The following MB21D2 variants were observed in gnomAD, a reference collection of about 807,000 sequenced individuals.
MB21D2 encodes the protein nucleotidyltransferase MB21D2.
In MB21D2, 9 loss-of-function variants were observed where a neutral mutation model predicts 33.3. That is an observed-to-expected ratio of 0.27 (90% CI 0.16 to 0.47). The LOEUF (loss-of-function observed/expected upper bound fraction) is 0.47. MB21D2 is among the 20% of genes least tolerant of loss of function. The probability of loss-of-function intolerance (pLI) is 0.99; values close to 1 mark genes in which losing one functional copy is unlikely to be tolerated. For synonymous variants in MB21D2, 241 were observed against 236.3 expected, an observed-to-expected ratio of 1.02 and a Z score of -0.18; for missense variants, 540 against 624.6, an observed-to-expected ratio of 0.86 and a Z score of 1.44.
intron 1 of MB21D2, among the ~76,000 whole-genome samples, chr3:192,873,773 G>GCTCA (rs150925941): frequency 0.016 from 2,395 of 152,262 alleles, 60 homozygotes; most frequent in African/African-American, 0.054. Flanking sequence ...GGAAGTCTCA[G>GCTCA]CTCACTGTAA....
intron 1 of MB21D2, among the ~76,000 whole-genome samples, chr3:192,903,211 G>A (rs542015430): frequency 8.8e-4 from 134 of 152,310 alleles, no homozygotes; most frequent in Non-Finnish European, 9.1e-4. Flanking sequence ...GAAGCCAACT[G>A]TCTCAGGTAC....
At chr3:192,812,273 C>T (rs945616270) in intron 1 of MB21D2, among the ~76,000 whole-genome samples, 1 of 152,122 alleles carries the variant, frequency 6.6e-6, no homozygotes, top group Non-Finnish European at 1.5e-5. Flanking sequence ...GTCTCAAACT[C>T]CTGACCTCCC....
intron 1 of MB21D2, among the ~76,000 whole-genome samples, chr3:192,897,935 G>T (rs1714012823): frequency 6.6e-6 from 1 of 151,356 alleles, no homozygotes; most frequent in African/African-American, 2.4e-5. Flanking sequence ...CTCCAGCCTG[G>T]GTGACAGAGC....
chr3:192,838,539 C>G (rs78352498), intron 1 of MB21D2, among the ~76,000 whole-genome samples: 2,701 of 151,804 alleles, frequency 0.018, 76 homozygotes, highest in South Asian at 0.13. Context: ...CACCATTCTC[C>G]TGCCTCGGCC....
At chr3:192,873,259 AGT>A (rs1713351037) in intron 1 of MB21D2, among the ~76,000 whole-genome samples, 2 of 152,166 alleles carry the variant, frequency 1.3e-5, no homozygotes, top group Admixed American at 6.5e-5. Context: ...ACAATACCCA[AGT>A]GTGTCACTTC....
At chr3:192,904,132 G>C (rs77225906) in intron 1 of MB21D2, among the ~76,000 whole-genome samples, 9,744 of 152,214 alleles carry the variant, frequency 0.064, 333 homozygotes, top group African/African-American at 0.076. Context: ...CTGGAACACG[G>C]TTCGCAATAT....
chr3:192,849,316 T>TGGGG lies in MB21D2; in HGVS notation c.212-49670_212-49667dup, dbSNP rs66792694. Reference sequence around the variant, plus strand: ...TGCAAGTTTTTCACGTCTCTTTTTTTGGGGGGGGGGCGGGGGGTGGGGGTG... The same window carrying TGGGG: ...TGCAAGTTTTTCACGTCTCTTTTTTTGGGGGGGGGGGGGGCGGGGGGTGGGGGTG... On this transcript the variant is annotated intron_variant, in intron 1 of 1. Coordinates refer to ENST00000392452, the MANE Select transcript of MB21D2 (RefSeq NM_178496.4). 2.7e-4 allele frequency among the ~76,000 whole-genome samples: 25 copies of TGGGG among 92,142 alleles called. 1 individual carries two copies. The highest frequency in any genetic ancestry group is 8.4e-4 in the African/African-American group (21 of 24,968). The allele number at this position is 92,142 out of a possible 152,430, so 60.4% of individuals were successfully genotyped here.
intron 1 of MB21D2, among the ~76,000 whole-genome samples, chr3:192,906,237 T>G (rs1714213232): frequency 6.6e-6 from 1 of 152,118 alleles, no homozygotes; most frequent in African/African-American, 2.4e-5. Flanking sequence ...GGACTTGTAA[T>G]CCAACTCTTC....
At chr3:192,908,762 A>T (rs2108655091) in intron 1 of MB21D2, among the ~76,000 whole-genome samples, 1 of 152,058 alleles carries the variant, frequency 6.6e-6, no homozygotes, top group African/African-American at 2.4e-5. Context: ...TTCATGAGTC[A>T]AGTGGCATTT....
chr3:192,810,229 C>T (rs973407578), intron 1 of MB21D2, among the ~76,000 whole-genome samples: 7 of 152,122 alleles, frequency 4.6e-5, no homozygotes, highest in Admixed American at 6.5e-5. Context: ...TGTGTCTTCT[C>T]TAAAAACAAA....
intron 1 of MB21D2, among the ~76,000 whole-genome samples, chr3:192,805,899 G>T (rs776561013): frequency 1.3e-5 from 2 of 152,106 alleles, no homozygotes; most frequent in Non-Finnish European, 2.9e-5. Flanking sequence ...CAGATTCCAC[G>T]GAGTTATTTT....
intron 1 of MB21D2, among the ~76,000 whole-genome samples, chr3:192,818,596 TTTTCCTTACAA>T (rs1293546631): frequency 6.6e-6 from 1 of 152,168 alleles, no homozygotes; most frequent in East Asian, 1.9e-4. Context: ...ATTCAACAAC[TTTTCCTTACAA>T]TCCATCAAGC....
rs138289917 is a variant in MB21D2 at position 192,875,235 on chromosome 3, T to TA, written c.211+42394dup. ...TGTGTTGTGCATGCAGCCATTCCCC[T>TA]ACTCTCCAAATGTCAGCTTCCTGAG... On this transcript the variant is annotated intron_variant, in intron 1 of 1. Transcript: ENST00000392452. 7.7e-3 allele frequency among the ~76,000 whole-genome samples: 1,169 copies of TA among 152,348 alleles called. 12 individuals are homozygous for TA. Among genetic ancestry groups the TA allele is most frequent in the African/African-American group, 0.027 (1,110 of 41,574 alleles).
At chr3:192,824,035 C>T (rs1458792322) in intron 1 of MB21D2, among the ~76,000 whole-genome samples, 3 of 152,066 alleles carry the variant, frequency 2.0e-5, no homozygotes, top group Non-Finnish European at 2.9e-5. Flanking sequence ...GTAATACATC[C>T]AGCTTCACCA....
Position 192,837,005 on chromosome 3 carries a change from G to A in MB21D2, c.212-37355C>T, listed in dbSNP as rs187169606. 2.4e-4 allele frequency among the ~76,000 whole-genome samples: 36 copies of A among 152,052 alleles called. 1 individual carries two copies. In the East Asian group the frequency reaches 3.9e-3, roughly 16 times the overall value. ...AAACACTTGGCATAGACATCCAAAC[G>A]GCATACATCAAAGACCATACCCAGG... On this transcript the variant is annotated intron_variant, in intron 1 of 1. Transcript: ENST00000392452.
Position 192,883,151 on chromosome 3 carries a change from A to C in MB21D2, c.211+34479T>G, listed in dbSNP as rs145841454. On this transcript the variant is annotated intron_variant, in intron 1 of 1. Transcript: ENST00000392452. ...CCAAAGTGCTGGGACGACAGGTGTA[A>C]GCCACCGTGCCCAGCCTGACCAGTT... Among the ~76,000 whole-genome samples, 317 of 152,204 alleles carry C rather than the reference A, an allele frequency of 2.1e-3. 3 individuals are homozygous for C. Among genetic ancestry groups the C allele is most frequent in the Non-Finnish European group, 3.8e-3 (256 of 68,020 alleles).
rs528223153 is a variant in MB21D2, at chr3:192,801,096, C to G, written c.212-1446G>C. ...GAAGACTCCGTGCATGCAGTAGGAA[C>G]ATAATTCAAGCTATGACTAAATGAT... On this transcript the variant is annotated intron_variant, in intron 1 of 1. Coordinates refer to ENST00000392452, the MANE Select transcript of MB21D2 (RefSeq NM_178496.4). Among the ~76,000 whole-genome samples, 108 of 152,106 alleles carry G rather than the reference C, an allele frequency of 7.1e-4. 3 individuals carry two copies. In the South Asian group the frequency reaches 0.022, roughly 31 times the overall value.
intron 1 of MB21D2, among the ~76,000 whole-genome samples, chr3:192,908,399 CTTTT>C (rs201114331): frequency 2.9e-5 from 4 of 137,842 alleles, no homozygotes; most frequent in Admixed American, 7.3e-5. Context: ...AAATTTTCTT[CTTTT>C]TTTTTTTTTT....
chr3:192,824,470 C>A, intron 1 of MB21D2, among the ~76,000 whole-genome samples: 2 of 149,406 alleles, frequency 1.3e-5, no homozygotes, highest in African/African-American at 2.5e-5. Flanking sequence ...GATGGCTTAG[C>A]CATTACATGG....
Sources: gnomAD v4.1 joint callset for allele counts (sites outside exome capture counted in the v4.1 genomes callset) on GRCh38, gnomAD v4.1.1 for gene constraint, MANE v1.5 for transcripts, NCBI Gene and HGNC (gene_info 2026-07-23, HGNC 2026-07-21) for gene names.